FGF13: variants seen among roughly 807,000 people sequenced by gnomAD.
FGF13 encodes the protein fibroblast growth factor 13.
Under a neutral mutation model 19.5 loss-of-function variants are expected in FGF13, and 2 were observed. That is an observed-to-expected ratio of 0.10 (90% CI 0.04 to 0.32). FGF13 has a LOEUF of 0.32. Ranked by LOEUF, FGF13 falls within the 10% of genes least tolerant of loss-of-function variation. The pLI, the probability that FGF13 is intolerant of heterozygous loss-of-function variation, is 1.00. For missense variants in FGF13, 113 were observed against 192.7 expected (o/e 0.59, Z 2.45); for synonymous variants, 72 against 76.9 (o/e 0.94, Z 0.33).
intron 1 of FGF13, among the ~76,000 whole-genome samples, chrX:138,735,253 T>TAACC (rs2090264566): frequency 8.9e-6 from 1 of 112,040 alleles, no homozygotes; most frequent in Non-Finnish European, 1.9e-5. Flanking sequence ...ATGCATGCAC[T>TAACC]AACCAACCAC....
At chrX:138,949,735 A>G (rs1603059199) in intron 1 of FGF13, among the ~76,000 whole-genome samples, 2 of 111,841 alleles carry the variant, frequency 1.8e-5, no homozygotes, top group East Asian at 2.8e-4. Context: ...AAGAGGCAGA[A>G]ACAGTAAAAC....
At chrX:139,002,627 C>A (rs750678461) in intron 1 of FGF13, among the ~76,000 whole-genome samples, 3 of 111,118 alleles carry the variant, frequency 2.7e-5, no homozygotes, top group South Asian at 7.8e-4. Context: ...CTTCCTTCCA[C>A]TTGAAGAGAG....
At chrX:138,765,679 T>C (rs1319993824) in intron 3 of FGF13, among the ~76,000 whole-genome samples, 1 of 111,920 alleles carries the variant, frequency 8.9e-6, no homozygotes, top group African/African-American at 3.2e-5. Flanking sequence ...GAATCACCAC[T>C]GTGTCCTTTA....
intron 1 of FGF13, among the ~76,000 whole-genome samples, chrX:139,036,346 T>G (rs747293326): frequency 1.8e-5 from 2 of 111,481 alleles, no homozygotes; most frequent in South Asian, 7.6e-4. Flanking sequence ...TGGAGTTTAC[T>G]GAAAATCACC....
At chrX:138,847,122 G>C (rs202241769) in intron 3 of FGF13, among the ~76,000 whole-genome samples, 6 of 111,778 alleles carry the variant, frequency 5.4e-5, no homozygotes, top group Non-Finnish European at 5.6e-5. Context: ...TGGAGCAAGA[G>C]GGGGGAAACT....
chrX:138,911,393 A>AT (rs2091586874), intron 1 of FGF13, among the ~76,000 whole-genome samples: 1 of 109,779 alleles, frequency 9.1e-6, no homozygotes, highest in African/African-American at 3.3e-5. Context: ...GTTCTCACTT[A>AT]TAAGTGGGAG....
At chrX:139,030,425 C>T (rs953461672) in intron 1 of FGF13, among the ~76,000 whole-genome samples, 1 of 111,259 alleles carries the variant, frequency 9.0e-6, no homozygotes, top group South Asian at 3.8e-4. Context: ...TGCCTGCAAA[C>T]GATGTGTAAT....
chrX:138,788,385 G>A (rs2090711615), intron 3 of FGF13, among the ~76,000 whole-genome samples: 1 of 112,272 alleles, frequency 8.9e-6, no homozygotes, highest in Non-Finnish European at 1.9e-5. Flanking sequence ...CTGGGGCAGA[G>A]GTCCCAACTT....
intron 1 of FGF13, among the ~76,000 whole-genome samples, chrX:139,181,617 G>A (rs1233403015): frequency 2.7e-5 from 3 of 112,474 alleles, no homozygotes; most frequent in Non-Finnish European, 5.6e-5. Context: ...GCCACTCCAT[G>A]AGCATCAATG....
intron 1 of FGF13, among the ~76,000 whole-genome samples, chrX:139,157,552 T>C (rs1473019357): frequency 8.9e-6 from 1 of 112,486 alleles, no homozygotes; most frequent in Non-Finnish European, 1.9e-5. Flanking sequence ...CCCTTCACCA[T>C]GTTGTGATGC....
chrX:138,848,478 C>G (rs2091199172), intron 3 of FGF13, among the ~76,000 whole-genome samples: 1 of 111,426 alleles, frequency 9.0e-6, no homozygotes, highest in African/African-American at 3.3e-5. Context: ...TGAGCCGCTA[C>G]CACAATAAAT....
At chrX:139,174,309 G>C (rs780074670) in intron 1 of FGF13, among the ~76,000 whole-genome samples, 7 of 112,015 alleles carry the variant, frequency 6.2e-5, no homozygotes, top group Non-Finnish European at 1.3e-4. Context: ...TTAGCTCTTT[G>C]TCAGATGGAT....
At chrX:138,884,085 C>T (rs1275662120) in intron 1 of FGF13, among the ~76,000 whole-genome samples, 3 of 111,492 alleles carry the variant, frequency 2.7e-5, no homozygotes, top group African/African-American at 9.8e-5. Flanking sequence ...AATTGTGACT[C>T]CATTTCCTAA....
At chrX:138,846,548 T>A (rs2091185187) in intron 3 of FGF13, among the ~76,000 whole-genome samples, 1 of 112,346 alleles carries the variant, frequency 8.9e-6, no homozygotes. Flanking sequence ...CTCTCAGTGC[T>A]GGCTCCAGCA....
At chrX:138,809,073 G>A (rs1267977246) in intron 3 of FGF13, among the ~76,000 whole-genome samples, 1 of 111,876 alleles carries the variant, frequency 8.9e-6, no homozygotes, top group Non-Finnish European at 1.9e-5. Flanking sequence ...GAAAAAGAGG[G>A]AATCCTCCCT....
intron 1 of FGF13, among the ~76,000 whole-genome samples, chrX:139,185,596 GCC>G (rs1447389906): frequency 9.0e-6 from 1 of 111,480 alleles, no homozygotes; most frequent in East Asian, 2.8e-4. Flanking sequence ...CCACCAATGG[GCC>G]CCCACTGAAG....
chrX:138,752,031 A>G (rs1478508977), intron 3 of FGF13, among the ~76,000 whole-genome samples: 1 of 112,011 alleles, frequency 8.9e-6, no homozygotes, highest in Non-Finnish European at 1.9e-5. Context: ...AACTCATTCA[A>G]TAATTCAACA....
chrX:138,866,009 G>A (rs1475925393), intron 1 of FGF13, among the ~76,000 whole-genome samples: 2 of 112,469 alleles, frequency 1.8e-5, no homozygotes, highest in Non-Finnish European at 3.8e-5. Flanking sequence ...AAATAAAATG[G>A]TACCAAGAAC....
chrX:139,108,664 AT>A (rs981820952), intron 1 of FGF13, among the ~76,000 whole-genome samples: 1 of 110,151 alleles, frequency 9.1e-6, no homozygotes, highest in African/African-American at 3.3e-5. Context: ...TTATATATAT[AT>A]TTTTTTTAAT....
Sources: gnomAD v4.1 joint callset for allele counts (sites outside exome capture counted in the v4.1 genomes callset) on GRCh38, gnomAD v4.1.1 for gene constraint, MANE v1.5 for transcripts, NCBI Gene and HGNC (gene_info 2026-07-23, HGNC 2026-07-21) for gene names.